MUSK: variants seen among roughly 807,000 people sequenced by gnomAD.
MUSK encodes the protein muscle associated receptor tyrosine kinase, also known as muscle, skeletal receptor tyrosine-protein kinase.
A neutral mutation model predicts 88.7 loss-of-function variants in MUSK; 55 were observed. The ratio of observed to expected loss-of-function variants is 0.62; its 90% confidence interval spans 0.50 to 0.78. The LOEUF (loss-of-function observed/expected upper bound fraction) is 0.78. Ranked by LOEUF, MUSK falls within the 30% of genes least tolerant of loss-of-function variation. The pLI is 0.00. For synonymous variants in MUSK, 387 were observed against 391.9 expected (o/e 0.99, Z 0.15); for missense variants, 1,015 against 1,074.3 (o/e 0.94, Z 0.77).
chr9:110,712,252 C>G, intron 5 of MUSK, among the ~76,000 whole-genome samples: 1 of 151,330 alleles, frequency 6.6e-6, no homozygotes, highest in East Asian at 1.9e-4. Context: ...GTACTGTGTA[C>G]TTTATTTTCT....
chr9:110,743,154 G>C (rs1437503076), intron 6 of MUSK, among the ~76,000 whole-genome samples: 1 of 152,170 alleles, frequency 6.6e-6, no homozygotes, highest in South Asian at 2.1e-4. Context: ...CAGTACAATG[G>C]GTACTCTGAA....
chr9:110,788,996 G>C (rs142802310), intron 14 of MUSK, among the ~76,000 whole-genome samples: 69 of 152,284 alleles, frequency 4.5e-4, no homozygotes, highest in South Asian at 2.1e-3. Flanking sequence ...GATGGGGAGA[G>C]TTATCAAAGA....
At chr9:110,701,932 G>C (rs2076533346) in intron 5 of MUSK, among the ~76,000 whole-genome samples, 1 of 135,846 alleles carries the variant, frequency 7.4e-6, no homozygotes, top group Non-Finnish European at 1.6e-5. Context: ...TTATTTCATA[G>C]AGACAGGGTC....
rs1432528729 is a variant in MUSK, at chr9:110,770,346, TTAA to T, written c.1184+2270_1184+2272del. 3.0e-4 allele frequency among the ~76,000 whole-genome samples: 44 copies of T among 146,448 alleles called. 2 individuals are homozygous for T. The highest frequency in any genetic ancestry group is 2.1e-4 in the South Asian group (1 of 4,788). On this transcript the variant is annotated intron_variant, in intron 9 of 14. Transcript: ENST00000374448. Reference sequence around the variant, plus strand: ...TCAATAATAATTAATAATTATTATATTAATAATAAATAATACTTAATATGATAT... The same window carrying T: ...TCAATAATAATTAATAATTATTATATTAATAAATAATACTTAATATGATAT...
intron 7 of MUSK, among the ~76,000 whole-genome samples, chr9:110,749,738 G>GAGAGATGC (rs2077224511): frequency 6.6e-6 from 1 of 152,168 alleles, no homozygotes; most frequent in Admixed American, 6.5e-5. Flanking sequence ...AAGGGAAGAG[G>GAGAGATGC]AGAGATGCAC....
rs950412088 is a variant in MUSK, at chr9:110,675,442, C to T, written c.79+6459C>T. Among the ~76,000 whole-genome samples, 46 of 110,126 alleles carry T rather than the reference C, an allele frequency of 4.2e-4. 1 individual carries two copies. The highest frequency in any genetic ancestry group is 1.5e-3 in the African/African-American group (39 of 26,848). 72.2% of individuals were successfully genotyped at this position (110,126 alleles called of 152,430 possible). A position where few individuals can be genotyped will look rare whatever the true frequency, so the allele number is the denominator to read the frequency against. ...TTCACCCTGTTAGCCAGGATGGTCTCGATCTCCTGACCTCGTGATCCGCCC... is the reference window on the plus strand; with the variant it reads ...TTCACCCTGTTAGCCAGGATGGTCTTGATCTCCTGACCTCGTGATCCGCCC... On this transcript the variant is annotated intron_variant, in intron 1 of 14. Transcript: ENST00000374448.
intron 11 of MUSK, among the ~76,000 whole-genome samples, chr9:110,780,180 C>T (rs74751780): frequency 0.01 from 1,525 of 152,222 alleles, 33 homozygotes; most frequent in South Asian, 0.074. Flanking sequence ...ATTCGCTTTA[C>T]GTTTTTGCTT....
chr9:110,674,575 A>C (rs1023014322), intron 1 of MUSK, among the ~76,000 whole-genome samples: 8 of 152,022 alleles, frequency 5.3e-5, no homozygotes, highest in African/African-American at 1.9e-4. Context: ...TTTCCTTAGG[A>C]TAGATTCCCA....
chr9:110,786,048 G>A (rs984871094), intron 13 of MUSK, among the ~76,000 whole-genome samples: 15 of 150,202 alleles, frequency 1.0e-4, no homozygotes, highest in South Asian at 2.1e-4. Flanking sequence ...GCGGTGGCTC[G>A]TGCCTGTAAT....
intron 1 of MUSK, among the ~76,000 whole-genome samples, chr9:110,681,105 ATATTATATATAATAT>A: frequency 1.7e-5 from 1 of 60,540 alleles, no homozygotes; most frequent in Admixed American, 3.3e-4. Context: ...TATATAATAT[ATATTATATATAATAT>A]ATATTATATA....
intron 3 of MUSK, among the ~76,000 whole-genome samples, chr9:110,688,893 C>T (rs556077240): frequency 6.8e-6 from 1 of 147,770 alleles, no homozygotes; most frequent in African/African-American, 2.5e-5. Context: ...TTTGTGTTAA[C>T]TGTTTTATTG....
chr9:110,725,917 C>T (rs2076877577), intron 5 of MUSK, among the ~76,000 whole-genome samples: 1 of 151,858 alleles, frequency 6.6e-6, no homozygotes, highest in Non-Finnish European at 1.5e-5. Flanking sequence ...AAGAGTGATC[C>T]TAGTAGGCTA....
chr9:110,772,616 T>C (rs1026902537), intron 9 of MUSK, among the ~76,000 whole-genome samples: 2 of 152,030 alleles, frequency 1.3e-5, no homozygotes, highest in African/African-American at 2.4e-5. Flanking sequence ...TCCATTAACA[T>C]ACAAAATTCA....
intron 3 of MUSK, among the ~76,000 whole-genome samples, chr9:110,689,210 T>C (rs1487867060): frequency 1.0e-5 from 1 of 100,406 alleles, no homozygotes; most frequent in Non-Finnish European, 1.8e-5. Context: ...ATTCATATTT[T>C]ATATAATATA....
At chr9:110,701,764 AT>A (rs1324195923) in intron 5 of MUSK, among the ~76,000 whole-genome samples, 1 of 206 alleles carries the variant, frequency 4.9e-3, no homozygotes, top group Non-Finnish European at 6.7e-3. Context: ...ATTTTATTTT[AT>A]TTTATTTTAT....
intron 5 of MUSK, among the ~76,000 whole-genome samples, chr9:110,712,092 TG>T (rs2076679439): frequency 6.6e-6 from 1 of 151,828 alleles, no homozygotes; most frequent in Non-Finnish European, 1.5e-5. Flanking sequence ...TCTTTTCACC[TG>T]GTTGCAACAC....
chr9:110,681,145 TTATAA>T (rs1313445442), intron 1 of MUSK, among the ~76,000 whole-genome samples: 7 of 72,872 alleles, frequency 9.6e-5, no homozygotes, highest in African/African-American at 3.3e-4. Context: ...ATAAGGATCG[TTATAA>T]TATATATTAT....
intron 5 of MUSK, among the ~76,000 whole-genome samples, chr9:110,724,174 A>G (rs777734897): frequency 3.3e-5 from 5 of 151,968 alleles, no homozygotes; most frequent in Admixed American, 6.6e-5. Flanking sequence ...ATTTTTATAC[A>G]TATACTATTA....
chr9:110,761,208 T>C (rs866005783), intron 7 of MUSK, among the ~76,000 whole-genome samples: 2 of 152,180 alleles, frequency 1.3e-5, no homozygotes, highest in Non-Finnish European at 2.9e-5. Flanking sequence ...TGGGGCTGTT[T>C]GTCCTGGGAA....
Sources: gnomAD v4.1 joint callset for allele counts (sites outside exome capture counted in the v4.1 genomes callset) on GRCh38, gnomAD v4.1.1 for gene constraint, MANE v1.5 for transcripts, NCBI Gene and HGNC (gene_info 2026-07-23, HGNC 2026-07-21) for gene names.